Variants in BEND5 observed in about 807,000 individuals in gnomAD.
BEND5 encodes BEN domain-containing protein 5.
A neutral mutation model predicts 43.9 loss-of-function variants in BEND5; 22 were observed. That is an observed-to-expected ratio of 0.50 (90% CI 0.36 to 0.72). The LOEUF is 0.72. BEND5 is among the 30% of genes least tolerant of loss of function. The pLI, the probability that BEND5 is intolerant of heterozygous loss-of-function variation, is 0.00. For synonymous variants in BEND5, 228 were observed against 225.9 expected (o/e 1.01, Z -0.08); for missense variants, 428 against 550.6 (o/e 0.78, Z 2.23).
chr1:48,750,041 C>G (rs1651429118), intron 3 of BEND5, among the ~76,000 whole-genome samples: 1 of 152,186 alleles, frequency 6.6e-6, no homozygotes, highest in Non-Finnish European at 1.5e-5. Context: ...AAAGTTTGAT[C>G]ACATGGTGGA....
chr1:48,760,684 A>G (rs1475703917), intron 2 of BEND5, among the ~76,000 whole-genome samples: 1 of 152,144 alleles, frequency 6.6e-6, no homozygotes, highest in East Asian at 1.9e-4. Context: ...AACACCCTCA[A>G]CCTTGTGACC....
intron 3 of BEND5, among the ~76,000 whole-genome samples, chr1:48,754,934 T>G (rs1652312003): frequency 6.6e-6 from 1 of 152,158 alleles, no homozygotes; most frequent in African/African-American, 2.4e-5. Context: ...GTGACACTTT[T>G]TGGGCTTGTT....
intron 1 of BEND5, among the ~76,000 whole-genome samples, chr1:48,774,942 T>C (rs1013851301): frequency 6.6e-6 from 1 of 152,108 alleles, no homozygotes; most frequent in African/African-American, 2.4e-5. Context: ...GATCTAGGAG[T>C]ACAATACAAT....
At chr1:48,755,287 C>T (rs568753454) in intron 3 of BEND5, among the ~76,000 whole-genome samples, 13 of 152,256 alleles carry the variant, frequency 8.5e-5, no homozygotes, top group Non-Finnish European at 1.8e-4. Context: ...ATCTACCATT[C>T]GTAGGACCCC....
At chr1:48,775,851 T>C (rs1051413975) in intron 1 of BEND5, among the ~76,000 whole-genome samples, 5 of 152,238 alleles carry the variant, frequency 3.3e-5, no homozygotes, top group African/African-American at 1.2e-4. Context: ...TCCAGTGTTA[T>C]TCTGACCCAG....
At chr1:48,764,913 T>G (rs1157096057) in intron 1 of BEND5, among the ~76,000 whole-genome samples, 3 of 152,202 alleles carry the variant, frequency 2.0e-5, no homozygotes, top group Non-Finnish European at 4.4e-5. Context: ...GGCTTGCTTC[T>G]GGAGGTAGAG....
intron 3 of BEND5, among the ~76,000 whole-genome samples, chr1:48,758,657 C>T (rs979404305): frequency 6.6e-6 from 1 of 152,194 alleles, no homozygotes; most frequent in Non-Finnish European, 1.5e-5. Context: ...ATTTTGTCAG[C>T]TCTTAGTCTC....
intron 4 of BEND5, among the ~76,000 whole-genome samples, chr1:48,737,058 C>T (rs933628095): frequency 5.3e-5 from 8 of 152,010 alleles, no homozygotes; most frequent in African/African-American, 9.7e-5. Flanking sequence ...CAGAGGTGGG[C>T]GGATCACGAG....
At chr1:48,743,020 G>T (rs181782503) in intron 3 of BEND5, among the ~76,000 whole-genome samples, 3 of 152,284 alleles carry the variant, frequency 2.0e-5, no homozygotes, top group African/African-American at 7.2e-5. Context: ...ACTCTTCCAG[G>T]GTGTCATTGT....
rs149541077 is a variant in BEND5, at chr1:48,774,346, T to C, written c.226+2260A>G. ...AGTCAGGAAGGGGTTTGAAGATACA[T>C]AGGAGTTATTCCAGGGTAATGAATT... On this transcript the variant is annotated intron_variant, in intron 1 of 5. Transcript: ENST00000371833. 8.0e-4 allele frequency among the ~76,000 whole-genome samples: 122 copies of C among 152,284 alleles called. 4 individuals are homozygous for C. The East Asian group carries it at 0.021, about 26-fold the overall frequency.
chr1:48,733,021 C>G (rs776804114), intron 5 of BEND5, among the ~76,000 whole-genome samples: 8 of 152,122 alleles, frequency 5.3e-5, no homozygotes, highest in Non-Finnish European at 7.3e-5. Flanking sequence ...CACTGGGGAC[C>G]TTGGTGAAAA....
In BEND5 at chr1:48,745,372, CA is replaced by C. The variant is rs377673944; in HGVS notation, c.746-2602del. On this transcript the variant is annotated intron_variant, in intron 3 of 5. Coordinates refer to ENST00000371833, the MANE Select transcript of BEND5 (RefSeq NM_024603.4). ...ATCAGAAGCATCTAGTTAGAATGGA[CA>C]ATTCACATGGCACAGTTACAGACAA... is the stretch of plus-strand genomic sequence containing the variant. Among the ~76,000 whole-genome samples, 21 of 152,222 alleles carry C rather than the reference CA, an allele frequency of 1.4e-4. No individual in the cohort carries two copies. The East Asian group carries it at 3.7e-3, about 27-fold the overall frequency.
At chr1:48,748,741 C>T (rs1442593424) in intron 3 of BEND5, among the ~76,000 whole-genome samples, 2 of 152,022 alleles carry the variant, frequency 1.3e-5, no homozygotes, top group African/African-American at 4.8e-5. Context: ...GTTAAGGGAT[C>T]CTAGAAGGCT....
chr1:48,748,293 C>T (rs1032600382), intron 3 of BEND5, among the ~76,000 whole-genome samples: 6 of 152,192 alleles, frequency 3.9e-5, no homozygotes, highest in Non-Finnish European at 8.8e-5. Flanking sequence ...CTGTAGCGTG[C>T]CTCTGTTTCT....
In BEND5 at chr1:48,736,522, T is replaced by C. The variant is rs1320566324; in HGVS notation, c.895-70A>G. 1.6e-6 allele frequency: 2 copies of C among 1,285,302 alleles called. No individual in the cohort carries two copies. The highest frequency in any genetic ancestry group is 4.6e-5 in the East Asian group (2 of 43,196). 79.6% of individuals were successfully genotyped at this position (1,285,302 alleles called of 1,614,324 possible). On this transcript the variant is annotated intron_variant, in intron 4 of 5. Transcript: ENST00000371833. This position sits in a 1 kb window ranked among gnomAD's most constrained non-coding sequence, Gnocchi z 4.0. ...GGCAGTGGGAGGCTTCTCTTGTCCT[T>C]TAAAAAGCATTGCTGCACAACTGTA...
At chr1:48,776,539 C>T (rs12073598) in intron 1 of BEND5, 67 bp downstream of exon 1, 74,456 of 1,195,168 alleles carry the variant, frequency 0.062, 3,267 homozygotes, top group East Asian at 0.15. Flanking sequence ...CCGCCCGGGC[C>T]CCCGGCCCCT....
intron 3 of BEND5, among the ~76,000 whole-genome samples, chr1:48,755,009 T>C (rs1652326853): frequency 6.6e-6 from 1 of 152,198 alleles, no homozygotes; most frequent in Non-Finnish European, 1.5e-5. Context: ...CATGCCTCCA[T>C]GTTGGAATAC....
In BEND5 at chr1:48,776,699, C is replaced by G. The variant is rs770186074; in HGVS notation, c.133G>C (p.Glu45Gln). 4 of 1,518,432 alleles carry G rather than the reference C, an allele frequency of 2.6e-6. No homozygotes were observed. Among genetic ancestry groups the G allele is most frequent in the Admixed American group, 2.1e-5 (1 of 46,970 alleles). The allele number at this position is 1,518,432 out of a possible 1,614,324, so 94.1% of individuals were successfully genotyped here. ...CTCTCGGGCCCGGCGCCCAATTCCT[C>G]CGGGCCCCGGTACACGGCGTACACC... ...QKVYAVYRGP[E>Q]ELGAGPESPP... Residue 45 changes from glutamate to glutamine, a missense_variant, in exon 1 of 6, where the codon GAG becomes CAG. Transcript: ENST00000371833.
intron 3 of BEND5, among the ~76,000 whole-genome samples, chr1:48,753,366 G>A (rs992740590): frequency 6.6e-6 from 1 of 152,218 alleles, no homozygotes; most frequent in Non-Finnish European, 1.5e-5. Context: ...AACCCAAGTA[G>A]TATCTGTTGC....
Sources: allele counts gnomAD v4.1 joint callset (sites outside exome capture counted in the v4.1 genomes callset), GRCh38; gene constraint gnomAD v4.1.1; non-coding constraint Gnocchi (gnomAD v3.1); transcripts MANE v1.5; gene names NCBI Gene and HGNC (gene_info 2026-07-23, HGNC 2026-07-21).